KCNIP4: variants seen among roughly 807,000 people sequenced by gnomAD.
KCNIP4 encodes potassium voltage-gated channel interacting protein 4.
In KCNIP4, 12 loss-of-function variants were observed where a neutral mutation model predicts 34.0. The observed-to-expected ratio is 0.35, with a 90% CI of 0.23 to 0.57. The LOEUF is 0.57. Among genes scored for constraint, KCNIP4 ranks in the 20% least tolerant of loss-of-function variants. The pLI is 0.83. For missense variants in KCNIP4, 238 were observed against 311.7 expected (o/e 0.76, Z 1.78); for synonymous variants, 124 against 102.2 (o/e 1.21, Z -1.29).
chr4:21,375,183 T>C (rs1280812140), intron 1 of KCNIP4, among the ~76,000 whole-genome samples: 1 of 145,724 alleles, frequency 6.9e-6, no homozygotes, highest in Non-Finnish European at 1.5e-5. Flanking sequence ...CCATGGAATG[T>C]AGCCTTTTAT....
At chr4:21,246,236 T>C (rs1760193955) in intron 1 of KCNIP4, among the ~76,000 whole-genome samples, 1 of 152,134 alleles carries the variant, frequency 6.6e-6, no homozygotes, top group African/African-American at 2.4e-5. Flanking sequence ...GGCAGAAATA[T>C]GTGGCCCTGG....
chr4:21,679,193 G>A (rs534345188), intron 1 of KCNIP4, among the ~76,000 whole-genome samples: 14 of 152,102 alleles, frequency 9.2e-5, no homozygotes, highest in African/African-American at 3.1e-4. Flanking sequence ...TGATGGCCCC[G>A]TTAAACAAAT....
intron 1 of KCNIP4, among the ~76,000 whole-genome samples, chr4:21,633,661 G>T (rs1174084227): frequency 6.6e-6 from 1 of 152,022 alleles, no homozygotes; most frequent in Non-Finnish European, 1.5e-5. Flanking sequence ...AAACATTTTA[G>T]TCTTAGGACC....
chr4:21,058,940 G>T (rs371578358), intron 1 of KCNIP4, among the ~76,000 whole-genome samples: 2 of 152,098 alleles, frequency 1.3e-5, no homozygotes, highest in East Asian at 1.9e-4. Context: ...TCATGGGAGA[G>T]ACCCAGTGGG....
At chr4:21,774,979 G>A (rs866592259) in intron 1 of KCNIP4, among the ~76,000 whole-genome samples, 3 of 152,108 alleles carry the variant, frequency 2.0e-5, no homozygotes, top group African/African-American at 7.2e-5. Flanking sequence ...GTCTAGTTCT[G>A]TGTCCTTGAT....
intron 1 of KCNIP4, among the ~76,000 whole-genome samples, chr4:21,361,281 T>C (rs1179271520): frequency 6.6e-6 from 1 of 152,076 alleles, no homozygotes; most frequent in Non-Finnish European, 1.5e-5. Context: ...AAAATGATGA[T>C]AATAACAGTC....
intron 1 of KCNIP4, among the ~76,000 whole-genome samples, chr4:21,025,712 C>A (rs1409618889): frequency 6.6e-6 from 1 of 151,662 alleles, no homozygotes; most frequent in Non-Finnish European, 1.5e-5. Flanking sequence ...CACCACCACG[C>A]CCGGCTAATT....
chr4:21,941,507 A>C (rs888012909), intron 1 of KCNIP4, among the ~76,000 whole-genome samples: 6 of 152,012 alleles, frequency 3.9e-5, no homozygotes, highest in African/African-American at 1.4e-4. Context: ...AAAAAAAAAA[A>C]AACAGATCTA....
chr4:21,054,587 C>G (rs930856558), intron 1 of KCNIP4, among the ~76,000 whole-genome samples: 1 of 149,288 alleles, frequency 6.7e-6, no homozygotes, highest in Non-Finnish European at 1.5e-5. Flanking sequence ...AATAGTCCCA[C>G]ATAAATTAGT....
chr4:21,791,632 G>A (rs1037910447), intron 1 of KCNIP4, among the ~76,000 whole-genome samples: 12 of 152,118 alleles, frequency 7.9e-5, no homozygotes, highest in Non-Finnish European at 5.9e-5. Context: ...CTGGAGGAAA[G>A]TTGACTGCTT....
intron 1 of KCNIP4, among the ~76,000 whole-genome samples, chr4:21,383,824 T>C (rs1437936711): frequency 1.3e-5 from 2 of 152,196 alleles, no homozygotes; most frequent in Admixed American, 6.5e-5. Context: ...TGTCCTTAAG[T>C]AGGCTTGGGG....
At chr4:21,922,408 A>G (rs953147006) in intron 1 of KCNIP4, among the ~76,000 whole-genome samples, 2 of 152,206 alleles carry the variant, frequency 1.3e-5, no homozygotes, top group African/African-American at 4.8e-5. Flanking sequence ...GTGAATTGCA[A>G]ATAAGTTTAT....
intron 1 of KCNIP4, among the ~76,000 whole-genome samples, chr4:21,499,360 T>C (rs1366661169): frequency 6.7e-6 from 1 of 149,330 alleles, no homozygotes; most frequent in East Asian, 1.9e-4. Flanking sequence ...CTACATAATA[T>C]TATAATTTTA....
chr4:21,581,127 A>T (rs182311408), intron 1 of KCNIP4, among the ~76,000 whole-genome samples: 1 of 152,204 alleles, frequency 6.6e-6, no homozygotes, highest in African/African-American at 2.4e-5. Context: ...GTGAAACATC[A>T]TTATATTTCC....
chr4:21,040,024 G>A (rs1191869239), intron 1 of KCNIP4, among the ~76,000 whole-genome samples: 2 of 152,118 alleles, frequency 1.3e-5, no homozygotes, highest in African/African-American at 2.4e-5. Flanking sequence ...GAGAGAGTGC[G>A]TGTGTGAAGG....
At chr4:21,403,588 C>G (rs1219986646) in intron 1 of KCNIP4, among the ~76,000 whole-genome samples, 1 of 152,204 alleles carries the variant, frequency 6.6e-6, no homozygotes, top group Non-Finnish European at 1.5e-5. Context: ...TGCATCATCT[C>G]TATAACCTAA....
intron 1 of KCNIP4, among the ~76,000 whole-genome samples, chr4:20,914,317 T>C (rs1247781871): frequency 2.6e-5 from 4 of 152,144 alleles, no homozygotes; most frequent in African/African-American, 9.7e-5. Flanking sequence ...GGTGATGGTA[T>C]TAGGAGGTAG....
intron 1 of KCNIP4, among the ~76,000 whole-genome samples, chr4:21,524,013 C>T (rs1735762749): frequency 6.6e-6 from 1 of 152,040 alleles, no homozygotes; most frequent in African/African-American, 2.4e-5. Context: ...GTTTCTTTGC[C>T]AACATTTTTT....
intron 1 of KCNIP4, among the ~76,000 whole-genome samples, chr4:21,255,030 T>C (rs1002346336): frequency 2.0e-5 from 3 of 152,206 alleles, no homozygotes; most frequent in African/African-American, 7.2e-5. Flanking sequence ...CAGGTAAAGT[T>C]GACCGTCTCC....
Sources: allele counts gnomAD v4.1 joint callset (sites outside exome capture counted in the v4.1 genomes callset), GRCh38; gene constraint gnomAD v4.1.1; transcripts MANE v1.5; gene names NCBI Gene and HGNC (gene_info 2026-07-23, HGNC 2026-07-21).